MEOX2: variants seen among roughly 807,000 people sequenced by gnomAD.
The protein encoded by MEOX2 is homeobox protein MOX-2.
MEOX2 carries 11 observed loss-of-function variants against 27.0 expected under a neutral mutation model. The ratio of observed to expected loss-of-function variants is 0.41; its 90% CI spans 0.26 to 0.68. MEOX2 has a LOEUF of 0.68. MEOX2 is among the 30% of genes least tolerant of loss of function. The probability of loss-of-function intolerance (pLI) is 0.33; values close to 1 mark genes in which losing one functional copy is unlikely to be tolerated. For synonymous variants in MEOX2, 189 were observed against 155.4 expected, an observed-to-expected ratio of 1.22 and a Z score of -1.61; for missense variants, 436 against 385.4, an observed-to-expected ratio of 1.13 and a Z score of -1.10.
rs375199918 is a variant in MEOX2 at position 15,626,825 on chromosome 7, G to A, written c.611C>T (p.Ala204Val). The change falls in exon 2 of 3, where the codon GCA becomes GTA. Residue 204 changes from alanine (A) to valine (V), a missense_variant. Coordinates refer to ENST00000262041, the MANE Select transcript of MEOX2 (RefSeq NM_005924.5). Reference sequence around the variant, plus strand: ...GAGATAATTATGATGGGCAAATTCTGCTTCAAGTTCTCTGATTTGCTCTTT... The same window carrying A: ...GAGATAATTATGATGGGCAAATTCTACTTCAAGTTCTCTGATTTGCTCTTT... ...FTKEQIRELEAEFAHHNYLTR... is the reference protein window; with the variant it reads ...FTKEQIRELEVEFAHHNYLTR... 1.2e-5 allele frequency: 20 copies of A among 1,610,662 alleles called. No homozygotes were observed. In the East Asian group the frequency reaches 1.8e-4, roughly 14 times the overall value.
chr7:15,635,956 C>T (rs1226849768), intron 1 of MEOX2, among the ~76,000 whole-genome samples: 8 of 151,840 alleles, frequency 5.3e-5, no homozygotes, highest in Non-Finnish European at 1.2e-4. Flanking sequence ...GAAACATAAC[C>T]AAACCTGGCA....
intron 1 of MEOX2, among the ~76,000 whole-genome samples, chr7:15,653,113 T>A (rs1781760754): frequency 8.1e-6 from 1 of 123,330 alleles, no homozygotes; most frequent in Non-Finnish European, 1.9e-5. Context: ...GTCTGGATGA[T>A]CCAGTTTTTC....
At chr7:15,657,416 C>G (rs962231312) in intron 1 of MEOX2, among the ~76,000 whole-genome samples, 1 of 152,044 alleles carries the variant, frequency 6.6e-6, no homozygotes, top group African/African-American at 2.4e-5. Context: ...TGGATAATTT[C>G]TATGGTTCCA....
At chr7:15,665,740 C>G (rs1781993412) in intron 1 of MEOX2, among the ~76,000 whole-genome samples, 1 of 152,144 alleles carries the variant, frequency 6.6e-6, no homozygotes, top group South Asian at 2.1e-4. Flanking sequence ...AGTAATGTAA[C>G]ATTAATTTTG....
At chr7:15,635,540 A>G (rs764913055) in intron 1 of MEOX2, among the ~76,000 whole-genome samples, 30 of 152,042 alleles carry the variant, frequency 2.0e-4, no homozygotes, top group Non-Finnish European at 3.8e-4. Flanking sequence ...CATGTAGAAC[A>G]ATGCCTACAT....
At chr7:15,629,115 T>C (rs1462173391) in intron 1 of MEOX2, among the ~76,000 whole-genome samples, 5 of 152,112 alleles carry the variant, frequency 3.3e-5, no homozygotes, top group Non-Finnish European at 1.5e-5. Context: ...GTTAGCACAT[T>C]CCCTTATGTA....
chr7:15,620,691 G>A (rs1781208848), intron 2 of MEOX2, among the ~76,000 whole-genome samples: 1 of 152,184 alleles, frequency 6.6e-6, no homozygotes, highest in South Asian at 2.1e-4. Flanking sequence ...AAAATACTTG[G>A]CATTGGGCCA....
intron 1 of MEOX2, among the ~76,000 whole-genome samples, chr7:15,642,748 T>C (rs1562603052): frequency 6.6e-6 from 1 of 152,222 alleles, no homozygotes; most frequent in Non-Finnish European, 1.5e-5. Context: ...TTACTTCTTA[T>C]TTTTGAACTT....
At chr7:15,670,936 A>G (rs912510398) in intron 1 of MEOX2, among the ~76,000 whole-genome samples, 1 of 152,324 alleles carries the variant, frequency 6.6e-6, no homozygotes, top group African/African-American at 2.4e-5. Context: ...CTTTTTTAAA[A>G]ATACTAATGT....
chr7:15,685,572 G>T (rs1782366535), intron 1 of MEOX2, among the ~76,000 whole-genome samples: 1 of 152,192 alleles, frequency 6.6e-6, no homozygotes, highest in South Asian at 2.1e-4. Context: ...CCTCCCCAGC[G>T]CTGGGATGGA....
At chr7:15,649,480 A>G (rs2115375986) in intron 1 of MEOX2, among the ~76,000 whole-genome samples, 1 of 152,248 alleles carries the variant, frequency 6.6e-6, no homozygotes, top group Non-Finnish European at 1.5e-5. Flanking sequence ...AAGTTTCACA[A>G]GCAAATTACA....
chr7:15,672,569 C>T (rs965383830), intron 1 of MEOX2, among the ~76,000 whole-genome samples: 1 of 152,032 alleles, frequency 6.6e-6, no homozygotes, highest in Non-Finnish European at 1.5e-5. Context: ...ATATCACATA[C>T]AATCAAAGGT....
chr7:15,632,620 G>A (rs551996220), intron 1 of MEOX2, among the ~76,000 whole-genome samples: 2 of 151,628 alleles, frequency 1.3e-5, no homozygotes, highest in African/African-American at 4.8e-5. Context: ...ATTTTTAAAG[G>A]CCAGAGACAC....
chr7:15,685,292 A>G (rs558230765), intron 1 of MEOX2, among the ~76,000 whole-genome samples: 21 of 152,308 alleles, frequency 1.4e-4, no homozygotes, highest in African/African-American at 5.1e-4. Flanking sequence ...CTTCCCCAAT[A>G]AAGGGAAAAT....
At chr7:15,634,383 G>A (rs1269313663) in intron 1 of MEOX2, among the ~76,000 whole-genome samples, 1 of 151,918 alleles carries the variant, frequency 6.6e-6, no homozygotes, top group Non-Finnish European at 1.5e-5. Flanking sequence ...CCTAATTTTA[G>A]TGTTGTCAGA....
At position 15,612,161 on chromosome 7, in the gene MEOX2, G is replaced by A; in HGVS notation, c.*226C>T. On this transcript the variant is annotated 3_prime_UTR_variant, in exon 3 of 3. Coordinates refer to ENST00000262041, the MANE Select transcript of MEOX2 (RefSeq NM_005924.5). Reference sequence around the variant, plus strand: ...CCATACGCACGACCAAACACATCTGGAATATTCAAAGCAAGTTCACCTTCT... The same window carrying A: ...CCATACGCACGACCAAACACATCTGAAATATTCAAAGCAAGTTCACCTTCT... 1.7e-6 allele frequency: 1 copy of A among 576,348 alleles called. No homozygotes were observed. The highest frequency in any genetic ancestry group is 3.1e-6 in the Non-Finnish European group (1 of 323,150). The allele number at this position is 576,348 out of a possible 1,614,324, so 35.7% of individuals were successfully genotyped here.
intron 1 of MEOX2, among the ~76,000 whole-genome samples, chr7:15,634,603 GTAGAGAATCATTGCATA>G (rs1358656260): frequency 2.0e-5 from 3 of 151,986 alleles, no homozygotes; most frequent in Non-Finnish European, 1.5e-5. Flanking sequence ...ATTGCTCCCA[GTAGAGAATCATTGCATA>G]TAGATAATAT....
At chr7:15,681,769 A>T (rs909751724) in intron 1 of MEOX2, 1 of 151,774 alleles carries the variant, frequency 6.6e-6, no homozygotes, top group South Asian at 2.1e-4. Context: ...GATAATTACC[A>T]TAAACAAAGA....
At position 15,685,905 on chromosome 7, in the gene MEOX2, C is replaced by T. The variant is rs1487135288; in HGVS notation, c.498G>A (p.Lys166=). The change falls in exon 1 of 3, where the codon AAG becomes AAA. Residue 166 remains lysine, a synonymous_variant. Coordinates refer to ENST00000262041, the MANE Select transcript of MEOX2 (RefSeq NM_005924.5). Reference sequence around the variant, plus strand: ...CCTTACCTGAGCTGTCGCTTTTCCTCTTGCCGCCGCTTCGCTTCTCCGCCT... The same window carrying T: ...CCTTACCTGAGCTGTCGCTTTTCCTTTTGCCGCCGCTTCGCTTCTCCGCCT... ...PAEAEKRSGG[K]RKSDSSDSQE... is the part of the protein sequence containing the mutation. 1 of 1,605,082 alleles carries T rather than the reference C, an allele frequency of 6.2e-7. No homozygotes were observed. The highest frequency in any genetic ancestry group is 8.5e-7 in the Non-Finnish European group (1 of 1,176,362).
Sources: gnomAD v4.1 joint callset for allele counts (sites outside exome capture counted in the v4.1 genomes callset) on GRCh38, gnomAD v4.1.1 for gene constraint, MANE v1.5 for transcripts, NCBI Gene and HGNC (gene_info 2026-07-23, HGNC 2026-07-21) for gene names.